The following CNBD1 variants were observed in gnomAD, a reference collection of about 807,000 sequenced individuals.
CNBD1 encodes the protein cyclic nucleotide binding domain containing 1.
A neutral mutation model predicts 54.4 loss-of-function variants in CNBD1; 71 were observed. The observed-to-expected ratio is 1.30, with a 90% CI of 1.08 to 1.59. The LOEUF is 1.59. Ranked by LOEUF, CNBD1 falls within the 40% of genes most tolerant of loss-of-function variation. The probability of loss-of-function intolerance (pLI) is 0.00; values close to 1 mark genes in which losing one functional copy is unlikely to be tolerated. For synonymous variants in CNBD1, 182 were observed against 170.7 expected (o/e 1.07, Z -0.51); for missense variants, 659 against 518.0 (o/e 1.27, Z -2.64).
chr8:86,935,319 A>G lies in CNBD1; in HGVS notation c.273-4277A>G, dbSNP rs766442066. 2.5e-4 allele frequency among the ~76,000 whole-genome samples: 38 copies of G among 152,164 alleles called. 1 individual carries two copies. Among genetic ancestry groups the G allele is most frequent in the Middle Eastern group, 3.2e-3 (1 of 316 alleles). ...CCAAAGTGCTGGGATTACAGGCATG[A>G]GCCGACATGCCTGGCTGGGTTTATT... On this transcript the variant is annotated intron_variant, in intron 3 of 10. Transcript: ENST00000518476.
chr8:87,400,859 G>T (rs1177600137), intron 2 of CNBD1, among the ~76,000 whole-genome samples: 1 of 151,872 alleles, frequency 6.6e-6, no homozygotes, highest in Non-Finnish European at 1.5e-5. Flanking sequence ...GCTTTTTAAA[G>T]AATAATCATG....
rs920050944 is a variant in CNBD1 at position 87,320,628 on chromosome 8, G to A, written c.1043-31057G>A. Among the ~76,000 whole-genome samples, 4 of 135,616 alleles carry A rather than the reference G, an allele frequency of 2.9e-5. No individual in the cohort carries two copies. In the South Asian group the frequency reaches 9.0e-4, roughly 30 times the overall value. The allele number at this position is 135,616 out of a possible 152,430, so 89.0% of individuals were successfully genotyped here. ...TGTGCACGTGTGTGTGTGGGGGGGC[G>A]GCTCAGGGTACATTTAGATGAAGAA... On this transcript the variant is annotated intron_variant, in intron 8 of 10. Coordinates refer to ENST00000518476, the MANE Select transcript of CNBD1 (RefSeq NM_173538.3).
chr8:87,129,069 CAAAAAAAAA>C (rs570657716), intron 4 of CNBD1, among the ~76,000 whole-genome samples: 841 of 26,220 alleles, frequency 0.032, 45 homozygotes, highest in African/African-American at 0.12. Context: ...GACTCTGCCT[CAAAAAAAAA>C]AAAAAAAAAA....
chr8:86,887,478 A>C, intron 1 of CNBD1, 64 bp from the exon 2 acceptor site: 2 of 1,016,294 alleles, frequency 2.0e-6, no homozygotes, highest in Non-Finnish European at 3.0e-6. Flanking sequence ...ATTAAACTCT[A>C]TTTACACACT....
At chr8:87,243,483 A>G (rs1284242386) in intron 6 of CNBD1, among the ~76,000 whole-genome samples, 1 of 152,150 alleles carries the variant, frequency 6.6e-6, no homozygotes, top group Admixed American at 6.5e-5. Flanking sequence ...CCTTCTGAGT[A>G]CGCCATTCCC....
chr8:87,367,224 G>A (rs80150890), intron 10 of CNBD1, among the ~76,000 whole-genome samples: 1,888 of 152,156 alleles, frequency 0.012, 46 homozygotes, highest in African/African-American at 0.043. Flanking sequence ...AGCCACTTAT[G>A]TAGCTTGTTT....
chr8:86,915,242 G>A (rs1586131740), intron 3 of CNBD1, among the ~76,000 whole-genome samples: 1 of 152,072 alleles, frequency 6.6e-6, no homozygotes, highest in African/African-American at 2.4e-5. Flanking sequence ...GTGGGTCCTG[G>A]TAGAGCCATA....
intron 10 of CNBD1, among the ~76,000 whole-genome samples, chr8:87,370,260 G>A (rs112506255): frequency 0.043 from 6,597 of 152,094 alleles, 188 homozygotes; most frequent in Non-Finnish European, 0.06. Context: ...GGATGGCTGG[G>A]TCAAATGGTA....
At chr8:87,004,813 C>T (rs1027937393) in intron 4 of CNBD1, among the ~76,000 whole-genome samples, 1 of 152,102 alleles carries the variant, frequency 6.6e-6, no homozygotes, top group African/African-American at 2.4e-5. Context: ...AGCAAGGGTG[C>T]TCTTTGTAAT....
intron 4 of CNBD1, among the ~76,000 whole-genome samples, chr8:87,131,523 A>G (rs1417161620): frequency 6.6e-6 from 1 of 152,050 alleles, no homozygotes; most frequent in Non-Finnish European, 1.5e-5. Context: ...TCAGATTTAC[A>G]TGTTTTTACT....
At chr8:86,995,344 G>C (rs1808844935) in intron 4 of CNBD1, among the ~76,000 whole-genome samples, 1 of 152,206 alleles carries the variant, frequency 6.6e-6, no homozygotes, top group Admixed American at 6.5e-5. Context: ...ACTCGATTCT[G>C]CATTATACTG....
intron 2 of CNBD1, among the ~76,000 whole-genome samples, chr8:87,395,397 T>C (rs569759334): frequency 6.6e-6 from 1 of 152,048 alleles, no homozygotes; most frequent in African/African-American, 2.4e-5. Context: ...ATTTGAGGAA[T>C]ATAGCATATG....
chr8:87,151,646 A>C (rs1371526454), intron 4 of CNBD1, among the ~76,000 whole-genome samples: 4 of 152,252 alleles, frequency 2.6e-5, no homozygotes, highest in Non-Finnish European at 5.9e-5. Context: ...AAATAACCAA[A>C]TTGGTGTATG....
At chr8:87,129,069 C>CAAAAAAAAAAAAAAAAACAAAAAAAA (rs1812060744) in intron 4 of CNBD1, among the ~76,000 whole-genome samples, 1 of 26,182 alleles carries the variant, frequency 3.8e-5, no homozygotes, top group Non-Finnish European at 7.1e-5. Context: ...GACTCTGCCT[C>CAAAAAAAAAAAAAAAAACAAAAAAAA]AAAAAAAAAA....
At chr8:87,311,614 T>C (rs1237859340) in intron 8 of CNBD1, among the ~76,000 whole-genome samples, 1 of 152,054 alleles carries the variant, frequency 6.6e-6, no homozygotes, top group Non-Finnish European at 1.5e-5. Flanking sequence ...TAAAATAAAA[T>C]AAATCCTTTT....
chr8:87,386,887 C>G (rs942689590), downstream of CNBD1, among the ~76,000 whole-genome samples: 1 of 152,176 alleles, frequency 6.6e-6, no homozygotes, highest in African/African-American at 2.4e-5. Flanking sequence ...AAGGGAAGCC[C>G]ATGAGACTAA....
chr8:87,413,185 A>G (rs2130986722), intron 2 of CNBD1, among the ~76,000 whole-genome samples: 1 of 152,064 alleles, frequency 6.6e-6, no homozygotes, highest in East Asian at 1.9e-4. Context: ...GCTATGACAC[A>G]GGGTTGTGAA....
chr8:87,314,085 C>G (rs963450387), intron 8 of CNBD1, among the ~76,000 whole-genome samples: 2 of 151,618 alleles, frequency 1.3e-5, no homozygotes, highest in African/African-American at 4.8e-5. Flanking sequence ...ATTACATTTT[C>G]AAGAAGTAGA....
chr8:86,944,510 T>A (rs1001071042), intron 4 of CNBD1, among the ~76,000 whole-genome samples: 2 of 152,088 alleles, frequency 1.3e-5, no homozygotes, highest in Non-Finnish European at 2.9e-5. Context: ...AGAGAGACAA[T>A]TAAATACCTT....
Sources: allele counts gnomAD v4.1 joint callset (sites outside exome capture counted in the v4.1 genomes callset), GRCh38; gene constraint gnomAD v4.1.1; transcripts MANE v1.5; gene names NCBI Gene and HGNC (gene_info 2026-07-23, HGNC 2026-07-21).